Variants in ADGRB3 observed in about 807,000 individuals in gnomAD.
ADGRB3 encodes the protein brain-specific angiogenesis inhibitor 3.
A neutral mutation model predicts 193.4 loss-of-function variants in ADGRB3; 37 were observed. The ratio of observed to expected loss-of-function variants is 0.19; its 90% confidence interval spans 0.15 to 0.25. The LOEUF (loss-of-function observed/expected upper bound fraction) is 0.25, where lower values mean the gene tolerates loss of function less well. ADGRB3 is among the 10% of genes least tolerant of loss of function. The pLI, the probability that ADGRB3 is intolerant of heterozygous loss-of-function variation, is 1.00. For missense variants in ADGRB3, 1,637 were observed against 1,852.9 expected, an observed-to-expected ratio of 0.88 and a Z score of 2.14; for synonymous variants, 690 against 644.2, an observed-to-expected ratio of 1.07 and a Z score of -1.08.
chr6:69,368,119 CA>C (rs1181836840), intron 29 of ADGRB3, among the ~76,000 whole-genome samples: 1 of 151,936 alleles, frequency 6.6e-6, no homozygotes, highest in Non-Finnish European at 1.5e-5. Context: ...ACAATGTGCA[CA>C]TGTACCCTAA....
At chr6:69,022,395 T>G (rs567907518) in intron 13 of ADGRB3, among the ~76,000 whole-genome samples, 1 of 151,982 alleles carries the variant, frequency 6.6e-6, no homozygotes, top group East Asian at 1.9e-4. Context: ...AAAAAGTTAT[T>G]TTTTCAACAA....
chr6:68,818,470 G>C, intron 3 of ADGRB3, among the ~76,000 whole-genome samples: 1 of 151,920 alleles, frequency 6.6e-6, no homozygotes, highest in East Asian at 1.9e-4. Flanking sequence ...CAATGTTGAA[G>C]AATGAAACAG....
intron 17 of ADGRB3, among the ~76,000 whole-genome samples, chr6:69,123,070 G>GT (rs1773763195): frequency 6.6e-6 from 1 of 150,378 alleles, no homozygotes; most frequent in East Asian, 2.0e-4. Context: ...ATTTTCAGAC[G>GT]TAAGTATCAC....
rs142671124 is a variant in ADGRB3, at chr6:69,273,144, G to A, written c.2814+33918G>A. Among the ~76,000 whole-genome samples, 1,476 of 152,164 alleles carry A rather than the reference G, an allele frequency of 9.7e-3. 25 individuals are homozygous for A. The highest frequency in any genetic ancestry group is 0.034 in the African/African-American group (1,409 of 41,526). On this transcript the variant is annotated intron_variant, in intron 20 of 31. Transcript: ENST00000370598. ...TTGAACTCCTGACCTGAGGTGATCC[G>A]CCCGCCTTGGCCTCCCAAAGTGCTG...
chr6:69,141,225 G>C (rs532355894), intron 17 of ADGRB3, among the ~76,000 whole-genome samples: 4 of 151,798 alleles, frequency 2.6e-5, no homozygotes, highest in African/African-American at 9.7e-5. Context: ...CTGGGTTCTC[G>C]GCATTCTCCT....
intron 20 of ADGRB3, among the ~76,000 whole-genome samples, chr6:69,321,166 T>C (rs1432704310): frequency 6.6e-6 from 1 of 151,802 alleles, no homozygotes; most frequent in Non-Finnish European, 1.5e-5. Flanking sequence ...TATTTTTTCC[T>C]GTTATTTTAA....
intron 20 of ADGRB3, among the ~76,000 whole-genome samples, chr6:69,314,377 A>G (rs931679719): frequency 1.3e-5 from 2 of 151,628 alleles, no homozygotes; most frequent in Admixed American, 1.3e-4. Context: ...AATTGCTTTT[A>G]TTGCTCCCTC....
intron 24 of ADGRB3, among the ~76,000 whole-genome samples, chr6:69,334,391 A>T (rs1768796863): frequency 6.6e-6 from 1 of 152,210 alleles, no homozygotes; most frequent in African/African-American, 2.4e-5. Context: ...ATGGTTTTCA[A>T]TATAAAAATT....
At chr6:68,743,928 C>T (rs1766031199) in intron 3 of ADGRB3, among the ~76,000 whole-genome samples, 1 of 151,204 alleles carries the variant, frequency 6.6e-6, no homozygotes, top group Non-Finnish European at 1.5e-5. Flanking sequence ...TGGTTAGAGC[C>T]CTCCTCCTTT....
chr6:69,072,730 C>A (rs912274476), intron 16 of ADGRB3, among the ~76,000 whole-genome samples: 2 of 152,162 alleles, frequency 1.3e-5, no homozygotes, highest in Admixed American at 1.3e-4. Flanking sequence ...ATGCATACTC[C>A]CATACTCTTC....
At chr6:69,306,041 T>C (rs991615706) in intron 20 of ADGRB3, among the ~76,000 whole-genome samples, 1 of 151,534 alleles carries the variant, frequency 6.6e-6, no homozygotes, top group East Asian at 1.9e-4. Context: ...ATAGATTATA[T>C]GCAAATACTA....
chr6:69,085,858 G>A (rs1772534510), intron 17 of ADGRB3, among the ~76,000 whole-genome samples: 1 of 151,420 alleles, frequency 6.6e-6, no homozygotes, highest in Non-Finnish European at 1.5e-5. Flanking sequence ...ATGAACATCG[G>A]TAAAGATAAG....
At chr6:68,940,416 A>G (rs1044081042) in intron 5 of ADGRB3, among the ~76,000 whole-genome samples, 1 of 152,072 alleles carries the variant, frequency 6.6e-6, no homozygotes. Flanking sequence ...TGTGACAACC[A>G]AATATGTCTC....
chr6:69,157,789 T>A (rs1774883215), intron 17 of ADGRB3, among the ~76,000 whole-genome samples: 1 of 151,958 alleles, frequency 6.6e-6, no homozygotes, highest in South Asian at 2.1e-4. Context: ...ATGGTTAGAA[T>A]GGTGGCAACC....
intron 3 of ADGRB3, among the ~76,000 whole-genome samples, chr6:68,715,581 G>A (rs1055411529): frequency 6.6e-6 from 1 of 151,686 alleles, no homozygotes; most frequent in African/African-American, 2.4e-5. Flanking sequence ...AATCTTCCAT[G>A]ATATTTCAAA....
intron 3 of ADGRB3, among the ~76,000 whole-genome samples, chr6:68,751,054 T>G (rs1766188539): frequency 6.6e-6 from 1 of 152,194 alleles, no homozygotes; most frequent in African/African-American, 2.4e-5. Flanking sequence ...TCTCCTCCAC[T>G]TGTACTGCTG....
intron 3 of ADGRB3, among the ~76,000 whole-genome samples, chr6:68,643,432 A>G (rs982464437): frequency 4.8e-4 from 47 of 97,700 alleles, no homozygotes; most frequent in African/African-American, 1.7e-3. Flanking sequence ...TACACTCTTC[A>G]TCTTCCTTTT....
intron 3 of ADGRB3, among the ~76,000 whole-genome samples, chr6:68,700,378 A>G (rs533891339): frequency 6.6e-6 from 1 of 152,142 alleles, no homozygotes; most frequent in Non-Finnish European, 1.5e-5. Flanking sequence ...TCTCACTGCA[A>G]TCAATATAAG....
At chr6:68,653,951 T>G (rs1345342605) in intron 3 of ADGRB3, among the ~76,000 whole-genome samples, 1 of 151,988 alleles carries the variant, frequency 6.6e-6, no homozygotes, top group Non-Finnish European at 1.5e-5. Flanking sequence ...TCCTTTTTTT[T>G]GATACATAGG....
Sources: allele counts gnomAD v4.1 joint callset (sites outside exome capture counted in the v4.1 genomes callset), GRCh38; gene constraint gnomAD v4.1.1; transcripts MANE v1.5; gene names NCBI Gene and HGNC (gene_info 2026-07-23, HGNC 2026-07-21).